The following CIMIP5 variants were observed in gnomAD, a reference collection of about 807,000 sequenced individuals.
The protein encoded by CIMIP5 is ciliary microtubule inner protein 5, also known as uncharacterized protein C2orf50.
the CIMIP5 span, chr2:11,140,672 T>C: frequency 1.1e-5 from 7 of 637,960 alleles, no homozygotes; most frequent in Non-Finnish European, 1.8e-5. Flanking sequence ...CAGCGATGAG[T>C]CAAATACACT....
chr2:11,140,186 G>C, the CIMIP5 span, among the ~76,000 whole-genome samples: 2 of 150,128 alleles, frequency 1.3e-5, no homozygotes, highest in African/African-American at 4.9e-5. Flanking sequence ...AGGAGATCGA[G>C]ACCACGGTGA....
chr2:11,153,461 C>A, the CIMIP5 span, among the ~76,000 whole-genome samples: 551 of 152,320 alleles, frequency 3.6e-3, 5 homozygotes, highest in African/African-American at 0.013. Context: ...GGAATAAAGG[C>A]TGGGGCAGAA....
the CIMIP5 span, among the ~76,000 whole-genome samples, chr2:11,154,043 C>A: frequency 6.6e-6 from 1 of 152,092 alleles, no homozygotes; most frequent in African/African-American, 2.4e-5. Flanking sequence ...GTGGCGCGAT[C>A]TCGACTCACT....
the CIMIP5 span, chr2:11,140,395 A>T: frequency 1.6e-6 from 1 of 631,256 alleles, no homozygotes; most frequent in Non-Finnish European, 2.5e-6. Flanking sequence ...AAAAAAAAAA[A>T]AAATTATTTA....
At chr2:11,150,056 C>T in the CIMIP5 span, among the ~76,000 whole-genome samples, 1 of 152,206 alleles carries the variant, frequency 6.6e-6, no homozygotes, top group African/African-American at 2.4e-5. Context: ...AAGCGATTCT[C>T]CTGCCTCAGC....
At chr2:11,144,130 TG>T in the CIMIP5 span, 2 of 1,548,944 alleles carry the variant, frequency 1.3e-6, no homozygotes, top group African/African-American at 2.7e-5. Context: ...AGGGCTGGGC[TG>T]GCCTTCCCCA....
chr2:11,150,880 A>C, the CIMIP5 span, among the ~76,000 whole-genome samples: 1 of 152,038 alleles, frequency 6.6e-6, no homozygotes, highest in Non-Finnish European at 1.5e-5. Context: ...AATTAAAAAA[A>C]AAAACAAAAA....
At chr2:11,143,499 T>C in the CIMIP5 span, among the ~76,000 whole-genome samples, 1 of 151,752 alleles carries the variant, frequency 6.6e-6, no homozygotes, top group Admixed American at 6.6e-5. Context: ...TTGTGAACAT[T>C]TGTCAAGCTG....
the CIMIP5 span, chr2:11,133,734 C>G: frequency 7.5e-7 from 1 of 1,333,432 alleles, no homozygotes; most frequent in East Asian, 2.6e-5. Flanking sequence ...GGTGGGTCAC[C>G]AGCCCAGCCC....
At chr2:11,133,510 A>G in the CIMIP5 span, 1 of 1,608,616 alleles carries the variant, frequency 6.2e-7, no homozygotes, top group Non-Finnish European at 8.5e-7. Context: ...CGGGTGGCTC[A>G]GGGAGCTGCC....
chr2:11,147,333 G>C, the CIMIP5 span, among the ~76,000 whole-genome samples: 1 of 152,148 alleles, frequency 6.6e-6, no homozygotes, highest in African/African-American at 2.4e-5. Context: ...ATAAAATGGC[G>C]CGGGAGGGAA....
the CIMIP5 span, among the ~76,000 whole-genome samples, chr2:11,140,259 C>T: frequency 5.3e-5 from 8 of 151,660 alleles, no homozygotes; most frequent in Admixed American, 2.6e-4. Flanking sequence ...CCTGTAGTCC[C>T]AGCTACTCGG....
chr2:11,150,336 T>G, the CIMIP5 span, among the ~76,000 whole-genome samples: 1 of 30,664 alleles, frequency 3.3e-5, no homozygotes, highest in Non-Finnish European at 8.7e-5. Flanking sequence ...TTAGGATTTT[T>G]TTTCTTTTTT....
chr2:11,148,978 C>T, the CIMIP5 span, among the ~76,000 whole-genome samples: 195 of 152,104 alleles, frequency 1.3e-3, no homozygotes, highest in African/African-American at 4.5e-3. Flanking sequence ...AGGTGATCCG[C>T]CCGCCTCGGC....
chr2:11,140,419 A>T, the CIMIP5 span: 3 of 783,482 alleles, frequency 3.8e-6, no homozygotes, highest in Non-Finnish European at 6.0e-6. Context: ...CTTCCACGTG[A>T]TACATTGTTG....
At chr2:11,148,316 C>T in the CIMIP5 span, among the ~76,000 whole-genome samples, 2 of 152,014 alleles carry the variant, frequency 1.3e-5, no homozygotes, top group East Asian at 3.9e-4. Context: ...ATGGTTTCTC[C>T]ATGTTGGTCA....
chr2:11,144,029 G>A, the CIMIP5 span: 1 of 1,607,782 alleles, frequency 6.2e-7, no homozygotes, highest in African/African-American at 1.3e-5. Flanking sequence ...ACACCCCTGG[G>A]ACAGACTCTC....
At chr2:11,148,807 T>C in the CIMIP5 span, among the ~76,000 whole-genome samples, 3 of 143,364 alleles carry the variant, frequency 2.1e-5, no homozygotes, top group African/African-American at 8.1e-5. Context: ...GCGATCTCGC[T>C]CACTGCAACC....
chr2:11,151,520 G>A, the CIMIP5 span, among the ~76,000 whole-genome samples: 3 of 152,234 alleles, frequency 2.0e-5, no homozygotes, highest in African/African-American at 7.2e-5. Context: ...ATCAAGACAG[G>A]GGAAAGAGCA....
Sources: allele counts gnomAD v4.1 joint callset (sites outside exome capture counted in the v4.1 genomes callset), GRCh38; gene constraint gnomAD v4.1.1; transcripts MANE v1.5; gene names NCBI Gene and HGNC (gene_info 2026-07-23, HGNC 2026-07-21).